CCDC102B: variants seen among roughly 807,000 people sequenced by gnomAD.
The protein encoded by CCDC102B is coiled-coil domain containing 102B.
A neutral mutation model predicts 57.4 loss-of-function variants in CCDC102B; 75 were observed. That is an observed-to-expected ratio of 1.31 (90% CI 1.08 to 1.58). CCDC102B has a LOEUF of 1.58. Ranked by LOEUF, CCDC102B falls within the 40% of genes most tolerant of loss-of-function variation. The pLI is 0.00. For missense variants in CCDC102B, 636 were observed against 582.6 expected (o/e 1.09, Z -0.94); for synonymous variants, 206 against 201.9 (o/e 1.02, Z -0.17).
chr18:68,964,072 C>T (rs1388772478), intron 6 of CCDC102B, among the ~76,000 whole-genome samples: 2 of 151,848 alleles, frequency 1.3e-5, no homozygotes, highest in African/African-American at 4.8e-5. Context: ...GGAAAATTTT[C>T]ATCTCTAATT....
In CCDC102B at chr18:68,860,196, G is replaced by A. The variant is rs1292496876; in HGVS notation, c.936+13775G>A. Among the ~76,000 whole-genome samples, 13 of 77,120 alleles carry A rather than the reference G, an allele frequency of 1.7e-4. 4 individuals are homozygous for A. The highest frequency in any genetic ancestry group is 4.0e-4 in the East Asian group (1 of 2,530). 50.6% of individuals were successfully genotyped at this position (77,120 alleles called of 152,430 possible). On this transcript the variant is annotated intron_variant, in intron 4 of 7. Coordinates refer to ENST00000360242, the MANE Select transcript of CCDC102B (RefSeq NM_024781.3). ...AAACCATCATTCTCAGTAAACTATCGCAAGAACAAAAAACCAAACACCACA... is the reference window on the plus strand; with the variant it reads ...AAACCATCATTCTCAGTAAACTATCACAAGAACAAAAAACCAAACACCACA...
chr18:68,740,988 T>C (rs187618674), intron 2 of CCDC102B, among the ~76,000 whole-genome samples: 119 of 152,264 alleles, frequency 7.8e-4, no homozygotes, highest in African/African-American at 2.8e-3. Context: ...ATGTTGCAAA[T>C]GTTGAGAAAT....
At chr18:68,840,795 T>C (rs1037354894) in intron 3 of CCDC102B, among the ~76,000 whole-genome samples, 4 of 152,174 alleles carry the variant, frequency 2.6e-5, no homozygotes, top group African/African-American at 9.7e-5. Flanking sequence ...AAGGTGTCAG[T>C]TTTAAAGATA....
At chr18:68,808,964 G>C (rs965294084) in intron 1 of CCDC102B, among the ~76,000 whole-genome samples, 17 of 152,038 alleles carry the variant, frequency 1.1e-4, no homozygotes, top group African/African-American at 4.1e-4. Flanking sequence ...TGAAATTTAT[G>C]CTATTTCTAT....
chr18:69,013,742 G>T (rs1410415330), intron 7 of CCDC102B, among the ~76,000 whole-genome samples: 1 of 152,138 alleles, frequency 6.6e-6, no homozygotes, highest in East Asian at 1.9e-4. Context: ...TAAAAAAAGT[G>T]AACTCAGAAA....
intron 4 of CCDC102B, among the ~76,000 whole-genome samples, chr18:68,846,935 T>A (rs1481155273): frequency 6.6e-6 from 1 of 151,840 alleles, no homozygotes; most frequent in African/African-American, 2.4e-5. Flanking sequence ...GATCAGCCAC[T>A]TGCCAGGGTA....
chr18:68,859,909 C>G (rs545084186), intron 4 of CCDC102B, among the ~76,000 whole-genome samples: 1 of 87,322 alleles, frequency 1.1e-5, no homozygotes, highest in African/African-American at 3.3e-5. Flanking sequence ...CCTCAGGGAT[C>G]TAGAACTAGA....
At position 69,023,117 on chromosome 18, in the gene CCDC102B, A is replaced by G. The variant is rs114497435; in HGVS notation, c.1434+12013A>G. Among the ~76,000 whole-genome samples the G allele has an allele frequency of 5.0e-3, 761 of 152,312 alleles. 7 individuals carry two copies. The highest frequency in any genetic ancestry group is 0.017 in the African/African-American group (723 of 41,572). Reference sequence around the variant, plus strand: ...AGTTTAGCTTTTGAAATTGTGCACAAGGTATCATATACTGGGCAAGATACA... The same window carrying G: ...AGTTTAGCTTTTGAAATTGTGCACAGGGTATCATATACTGGGCAAGATACA... On this transcript the variant is annotated intron_variant, in intron 7 of 7. Coordinates refer to ENST00000360242, the MANE Select transcript of CCDC102B (RefSeq NM_024781.3).
At chr18:68,828,660 C>A (rs115758756) in intron 1 of CCDC102B, among the ~76,000 whole-genome samples, 1 of 151,336 alleles carries the variant, frequency 6.6e-6, no homozygotes, top group African/African-American at 2.4e-5. Context: ...TAAGTTCCTA[C>A]CACAGGAAAC....
chr18:68,815,740 CTTCTT>C (rs1001497125), intron 1 of CCDC102B, among the ~76,000 whole-genome samples: 1 of 151,206 alleles, frequency 6.6e-6, no homozygotes, highest in African/African-American at 2.4e-5. Context: ...TTTGCACAAA[CTTCTT>C]TTTTTCATCT....
chr18:68,752,244 A>G (rs1301185921), intron 2 of CCDC102B, among the ~76,000 whole-genome samples: 1 of 152,116 alleles, frequency 6.6e-6, no homozygotes, highest in Non-Finnish European at 1.5e-5. Flanking sequence ...TGGGTGACAG[A>G]GCGAGACTCT....
chr18:68,946,757 T>G (rs1336001295), intron 6 of CCDC102B, among the ~76,000 whole-genome samples: 2 of 152,058 alleles, frequency 1.3e-5, no homozygotes, highest in Admixed American at 1.3e-4. Flanking sequence ...TTGTTAAATT[T>G]TGTTTCAATA....
At chr18:68,728,018 A>G (rs1001079279) in intron 2 of CCDC102B, among the ~76,000 whole-genome samples, 1 of 152,200 alleles carries the variant, frequency 6.6e-6, no homozygotes, top group Admixed American at 6.5e-5. Flanking sequence ...GTTGTTCATC[A>G]AAGAACTTCT....
intron 7 of CCDC102B, among the ~76,000 whole-genome samples, chr18:69,048,409 A>G (rs2145491383): frequency 6.6e-6 from 1 of 152,228 alleles, no homozygotes; most frequent in African/African-American, 2.4e-5. Flanking sequence ...AATGTTGAAC[A>G]TTCTGGTTTC....
chr18:68,870,172 A>G (rs557759422), intron 4 of CCDC102B, among the ~76,000 whole-genome samples: 3 of 152,194 alleles, frequency 2.0e-5, no homozygotes, highest in African/African-American at 4.8e-5. Flanking sequence ...AGGGAGGGGA[A>G]CATCACACAC....
At chr18:68,814,627 T>A (rs2036406585) in intron 1 of CCDC102B, among the ~76,000 whole-genome samples, 1 of 152,110 alleles carries the variant, frequency 6.6e-6, no homozygotes, top group Non-Finnish European at 1.5e-5. Flanking sequence ...TTACTAAACA[T>A]TTCTAAAGAC....
chr18:68,796,843 ATG>A (rs35894372), upstream of CCDC102B, among the ~76,000 whole-genome samples: 1,391 of 147,084 alleles, frequency 9.5e-3, 10 homozygotes, highest in African/African-American at 0.028. Context: ...ATGTACATGC[ATG>A]TGTGTGTGTG....
chr18:68,858,686 G>T (rs1038275092), intron 4 of CCDC102B, among the ~76,000 whole-genome samples: 1 of 152,038 alleles, frequency 6.6e-6, no homozygotes, highest in African/African-American at 2.4e-5. Flanking sequence ...TATTCTCTGT[G>T]ATTTGGCCAT....
chr18:68,879,553 A>G (rs2144950533), intron 5 of CCDC102B, among the ~76,000 whole-genome samples: 1 of 152,034 alleles, frequency 6.6e-6, no homozygotes, highest in African/African-American at 2.4e-5. Flanking sequence ...AGCTAGATAC[A>G]GAGTGTCAAC....
Sources: gnomAD v4.1 joint callset for allele counts (sites outside exome capture counted in the v4.1 genomes callset) on GRCh38, gnomAD v4.1.1 for gene constraint, MANE v1.5 for transcripts, NCBI Gene and HGNC (gene_info 2026-07-23, HGNC 2026-07-21) for gene names.